ZNF385B: variants seen among roughly 807,000 people sequenced by gnomAD.
The protein encoded by ZNF385B is zinc finger protein 533.
Under a neutral mutation model 39.2 loss-of-function variants are expected in ZNF385B, and 23 were observed. The ratio of observed to expected loss-of-function variants is 0.59; its 90% CI spans 0.42 to 0.83. The LOEUF (loss-of-function observed/expected upper bound fraction) is 0.83. Ranked by LOEUF, ZNF385B falls within the 40% of genes least tolerant of loss-of-function variation. ZNF385B has a pLI of 0.00. For synonymous variants in ZNF385B, 205 were observed against 222.6 expected (o/e 0.92, Z 0.70); for missense variants, 552 against 598.9 (o/e 0.92, Z 0.82).
At position 179,605,319 on chromosome 2, in the gene ZNF385B, G is replaced by C. The variant is rs187001659; in HGVS notation, c.299-60350C>G. ...CTGCTTCCTGTGCTATTTCATTTCT[G>C]TCATATGCTCTGGTTTATAAACTAG... On this transcript the variant is annotated intron_variant, in intron 3 of 9. Transcript: ENST00000410066. 1.2e-3 allele frequency among the ~76,000 whole-genome samples: 189 copies of C among 151,810 alleles called. 2 individuals are homozygous for C. The highest frequency in any genetic ancestry group is 5.2e-4 in the Non-Finnish European group (35 of 67,904).
At chr2:179,627,210 A>G (rs1690738495) in intron 3 of ZNF385B, among the ~76,000 whole-genome samples, 1 of 152,218 alleles carries the variant, frequency 6.6e-6, no homozygotes, top group African/African-American at 2.4e-5. Flanking sequence ...AACTAATTAT[A>G]GAAATTCTGG....
chr2:179,468,695 T>G (rs1195522421), intron 6 of ZNF385B, among the ~76,000 whole-genome samples: 1 of 152,214 alleles, frequency 6.6e-6, no homozygotes, highest in African/African-American at 2.4e-5. Flanking sequence ...GGTTTTAGCT[T>G]TGATACTTCA....
intron 3 of ZNF385B, among the ~76,000 whole-genome samples, chr2:179,757,397 C>G (rs1017132997): frequency 6.6e-6 from 1 of 152,184 alleles, no homozygotes; most frequent in South Asian, 2.1e-4. Flanking sequence ...CCCAGTTAGG[C>G]TACTCGGGGT....
At chr2:179,824,248 G>A (rs2106587526) in intron 1 of ZNF385B, among the ~76,000 whole-genome samples, 1 of 152,182 alleles carries the variant, frequency 6.6e-6, no homozygotes, top group Non-Finnish European at 1.5e-5. Flanking sequence ...CTAAAGGGAT[G>A]GGGCACACTG....
intron 4 of ZNF385B, among the ~76,000 whole-genome samples, chr2:179,540,991 G>T (rs925048243): frequency 6.6e-6 from 1 of 152,088 alleles, no homozygotes; most frequent in African/African-American, 2.4e-5. Flanking sequence ...TTAAGATCAA[G>T]ATCTTTAAAA....
intron 3 of ZNF385B, among the ~76,000 whole-genome samples, chr2:179,669,296 T>A (rs1695597975): frequency 6.6e-6 from 1 of 152,172 alleles, no homozygotes; most frequent in African/African-American, 2.4e-5. Flanking sequence ...AGACTGTCCA[T>A]CCTCTGTAAA....
intron 1 of ZNF385B, among the ~76,000 whole-genome samples, chr2:179,794,503 T>C (rs866054971): frequency 3.3e-5 from 5 of 152,192 alleles, no homozygotes; most frequent in South Asian, 2.1e-4. Flanking sequence ...CACAATTTTG[T>C]AGGTCAGTAA....
At chr2:179,567,042 A>C (rs3112926) in intron 3 of ZNF385B, among the ~76,000 whole-genome samples, 87,170 of 151,062 alleles carry the variant, frequency 0.58, 25,901 homozygotes, top group East Asian at 0.96. Flanking sequence ...CCGCCTCCCG[A>C]GTAGCTGAGA....
chr2:179,756,105 T>C (rs356415), intron 3 of ZNF385B, among the ~76,000 whole-genome samples: 148,334 of 151,986 alleles, frequency 0.98, 72,466 homozygotes, highest in Non-Finnish European at 1. Context: ...CATGTTTTTG[T>C]AGTGGCTGGT....
At chr2:179,796,217 G>A (rs114306797) in intron 1 of ZNF385B, 1 of 152,248 alleles carries the variant, frequency 6.6e-6, no homozygotes, top group African/African-American at 2.4e-5. Flanking sequence ...ACCTGGGGAT[G>A]ACTTATGCAA....
chr2:179,655,967 GATT>G (rs1463155184), intron 3 of ZNF385B, among the ~76,000 whole-genome samples: 4 of 152,130 alleles, frequency 2.6e-5, no homozygotes, highest in South Asian at 2.1e-4. Context: ...ATTTAACAGA[GATT>G]ATATTAGTCT....
In ZNF385B at chr2:179,852,093, C is replaced by T. The variant is rs142077692; in HGVS notation, c.-155+9008G>A. Among the ~76,000 whole-genome samples the T allele has an allele frequency of 3.9e-3, 590 of 152,288 alleles. 1 individual carries two copies. Among genetic ancestry groups the T allele is most frequent in the African/African-American group, 0.014 (564 of 41,558 alleles). ...CAAGGGCTGAAAGAGGAGGTCTCTG[C>T]CAGGGCAACAGCAGTTCGAATGTGC... On this transcript the variant is annotated intron_variant, in intron 1 of 9. Transcript: ENST00000410066.
At chr2:179,784,170 T>G (rs1704844477) in intron 1 of ZNF385B, among the ~76,000 whole-genome samples, 1 of 152,054 alleles carries the variant, frequency 6.6e-6, no homozygotes, top group Non-Finnish European at 1.5e-5. Flanking sequence ...ATGTCTTTTG[T>G]GGGAACATGG....
At chr2:179,612,615 T>C (rs778874129) in intron 3 of ZNF385B, among the ~76,000 whole-genome samples, 26 of 152,206 alleles carry the variant, frequency 1.7e-4, no homozygotes, top group Non-Finnish European at 2.8e-4. Flanking sequence ...CTGAGTTATC[T>C]GGAGCTGGGG....
chr2:179,504,869 C>G (rs1355304934), intron 5 of ZNF385B, among the ~76,000 whole-genome samples: 1 of 151,478 alleles, frequency 6.6e-6, no homozygotes, highest in African/African-American at 2.4e-5. Flanking sequence ...GAGGACAGCA[C>G]CAAGGGGGAT....
chr2:179,503,840 G>A (rs2056981846), intron 5 of ZNF385B, among the ~76,000 whole-genome samples: 1 of 145,130 alleles, frequency 6.9e-6, no homozygotes, highest in Non-Finnish European at 1.5e-5. Context: ...GTATTCCATG[G>A]TGTATATGTG....
At chr2:179,682,579 T>A (rs1487572427) in intron 3 of ZNF385B, among the ~76,000 whole-genome samples, 1 of 152,344 alleles carries the variant, frequency 6.6e-6, no homozygotes, top group African/African-American at 2.4e-5. Context: ...GAATTTAGAC[T>A]GATTATGGCA....
At chr2:179,685,605 T>A (rs1575226259) in intron 3 of ZNF385B, among the ~76,000 whole-genome samples, 1 of 152,126 alleles carries the variant, frequency 6.6e-6, no homozygotes. Flanking sequence ...ACTGCTATCA[T>A]CCTGACTGTA....
At chr2:179,796,248 A>G (rs1705657486) in intron 1 of ZNF385B, 3 of 152,166 alleles carry the variant, frequency 2.0e-5, no homozygotes, top group Non-Finnish European at 4.4e-5. Flanking sequence ...CAGTCCACAG[A>G]TAACTTGAAT....
Sources: allele counts gnomAD v4.1 joint callset (sites outside exome capture counted in the v4.1 genomes callset), GRCh38; gene constraint gnomAD v4.1.1; transcripts MANE v1.5; gene names NCBI Gene and HGNC (gene_info 2026-07-23, HGNC 2026-07-21).